NREP: variants seen among roughly 807,000 people sequenced by gnomAD.
NREP encodes the protein neuronal regeneration related protein, also known as neuronal regeneration-related protein.
A neutral mutation model predicts 8.6 loss-of-function variants in NREP; 5 were observed. The observed-to-expected ratio is 0.58, with a 90% confidence interval of 0.30 to 1.22. The LOEUF (loss-of-function observed/expected upper bound fraction) is 1.22. Among genes scored for constraint, NREP ranks in the 50% most tolerant of loss-of-function variants. NREP has a pLI of 0.07. For synonymous variants in NREP, 27 were observed against 28.0 expected (o/e 0.96, Z 0.11); for missense variants, 86 against 82.5 (o/e 1.04, Z -0.17).
intron 1 of NREP, chr5:111,756,122 G>A: frequency 1.8e-6 from 2 of 1,090,016 alleles, no homozygotes. Context: ...CTTAAAAGTA[G>A]AACCAAGTGA....
chr5:111,753,599 T>A (rs1228886767), intron 2 of NREP, among the ~76,000 whole-genome samples: 2 of 151,964 alleles, frequency 1.3e-5, no homozygotes, highest in Non-Finnish European at 2.9e-5. Flanking sequence ...CTTTACTAAA[T>A]AGGTAAAATA....
intron 2 of NREP, among the ~76,000 whole-genome samples, chr5:111,805,466 G>A (rs1396803526): frequency 1.3e-5 from 2 of 152,186 alleles, no homozygotes; most frequent in Admixed American, 1.3e-4. Context: ...CCACATAATG[G>A]AGTATTTTGT....
intron 2 of NREP, among the ~76,000 whole-genome samples, chr5:111,813,914 A>G (rs1752324678): frequency 1.3e-5 from 2 of 152,102 alleles, no homozygotes; most frequent in African/African-American, 4.8e-5. Flanking sequence ...GGAACCTGCT[A>G]TCCTTTTGTG....
intron 2 of NREP, among the ~76,000 whole-genome samples, chr5:111,856,650 G>A (rs1753434480): frequency 2.6e-5 from 4 of 151,938 alleles, no homozygotes; most frequent in Admixed American, 1.3e-4. Flanking sequence ...TGACCACCTG[G>A]GACAGTGCCT....
chr5:111,841,056 C>T (rs989627075), intron 2 of NREP, among the ~76,000 whole-genome samples: 15 of 151,854 alleles, frequency 9.9e-5, no homozygotes, highest in African/African-American at 1.7e-4. Flanking sequence ...TGCATGCATG[C>T]GATTTATTAA....
intron 2 of NREP, among the ~76,000 whole-genome samples, chr5:111,913,694 A>G (rs185359090): frequency 2.6e-5 from 4 of 152,240 alleles, no homozygotes; most frequent in African/African-American, 9.6e-5. Context: ...CTACTTCACA[A>G]ATATTTTGAG....
intron 2 of NREP, among the ~76,000 whole-genome samples, chr5:111,861,943 T>G (rs1753553078): frequency 6.6e-6 from 1 of 152,170 alleles, no homozygotes; most frequent in Non-Finnish European, 1.5e-5. Context: ...ATGGTGCATC[T>G]ACATATGATT....
intron 2 of NREP, among the ~76,000 whole-genome samples, chr5:111,751,517 A>C (rs572761314): frequency 6.6e-6 from 1 of 152,344 alleles, no homozygotes; most frequent in African/African-American, 2.4e-5. Context: ...ATTTCTACAG[A>C]TGTGGACTAA....
chr5:111,757,474 C>T, upstream of NREP: 3 of 985,252 alleles, frequency 3.0e-6, no homozygotes, highest in Non-Finnish European at 3.6e-6. Context: ...TGCTAGTGAA[C>T]AATGAGCTAA....
intron 2 of NREP, among the ~76,000 whole-genome samples, chr5:111,942,009 T>C (rs745974999): frequency 6.6e-6 from 1 of 152,086 alleles, no homozygotes; most frequent in African/African-American, 2.4e-5. Flanking sequence ...TTTTGTAGGA[T>C]AGCAGAACTA....
chr5:111,807,783 CCCA>C, intron 2 of NREP, among the ~76,000 whole-genome samples: 1 of 152,232 alleles, frequency 6.6e-6, no homozygotes, highest in East Asian at 1.9e-4. Flanking sequence ...ATGAAATTAA[CCCA>C]CCAACTCTGA....
intron 2 of NREP, among the ~76,000 whole-genome samples, chr5:111,823,807 C>G (rs1218284924): frequency 2.6e-5 from 4 of 152,146 alleles, no homozygotes; most frequent in Admixed American, 6.5e-5. Flanking sequence ...CACGATCTTA[C>G]TTATTCTAAT....
At chr5:111,763,956 A>G (rs1037459645) in intron 2 of NREP, among the ~76,000 whole-genome samples, 5 of 152,268 alleles carry the variant, frequency 3.3e-5, no homozygotes, top group African/African-American at 1.2e-4. Flanking sequence ...CTGTCTGGTT[A>G]TAGACAAGGT....
intron 1 of NREP, chr5:111,756,350 T>TA (rs1372629356): frequency 2.0e-6 from 1 of 504,986 alleles, no homozygotes; most frequent in East Asian, 1.5e-4. Flanking sequence ...GTCAGGAATA[T>TA]ACACCATTCT....
chr5:111,855,784 C>G (rs530740626), intron 2 of NREP, among the ~76,000 whole-genome samples: 1 of 152,070 alleles, frequency 6.6e-6, no homozygotes, highest in Non-Finnish European at 1.5e-5. Flanking sequence ...GTTGCAGGAC[C>G]AGGACAAATC....
At chr5:111,948,235 G>A (rs1237094251) in intron 2 of NREP, among the ~76,000 whole-genome samples, 4 of 152,138 alleles carry the variant, frequency 2.6e-5, no homozygotes, top group African/African-American at 4.8e-5. Context: ...TCAGGTCAAC[G>A]TGTTCCACAT....
intron 2 of NREP, among the ~76,000 whole-genome samples, chr5:111,962,745 G>A (rs920320718): frequency 2.0e-5 from 3 of 152,078 alleles, no homozygotes; most frequent in Non-Finnish European, 2.9e-5. Context: ...AGACTCAGTC[G>A]GTAGAGAGAG....
intron 2 of NREP, chr5:111,846,166 A>G (rs556050274): frequency 8.5e-5 from 14 of 165,288 alleles, no homozygotes; most frequent in Admixed American, 1.9e-4. Flanking sequence ...CCCTTTCCTA[A>G]AAATGCTTCT....
At chr5:111,924,613 T>C (rs576158920) in intron 2 of NREP, among the ~76,000 whole-genome samples, 13 of 152,244 alleles carry the variant, frequency 8.5e-5, no homozygotes, top group South Asian at 4.2e-4. Flanking sequence ...CCATTCCCCA[T>C]TGGGTTTCTG....
Sources: allele counts gnomAD v4.1 joint callset (sites outside exome capture counted in the v4.1 genomes callset), GRCh38; gene constraint gnomAD v4.1.1; transcripts MANE v1.5; gene names NCBI Gene and HGNC (gene_info 2026-07-23, HGNC 2026-07-21).